The following HYKK variants were observed in gnomAD, a reference collection of about 807,000 sequenced individuals.
HYKK encodes the protein 5-hydroxy-L-lysine kinase.
A neutral mutation model predicts 29.7 loss-of-function variants in HYKK; 19 were observed. The ratio of observed to expected loss-of-function variants is 0.64; its 90% CI spans 0.45 to 0.94. The LOEUF is 0.94. Among genes scored for constraint, HYKK ranks in the 40% least tolerant of loss-of-function variants. The probability of loss-of-function intolerance (pLI) is 0.00; values close to 1 mark genes in which losing one functional copy is unlikely to be tolerated. For missense variants in HYKK, 390 were observed against 443.4 expected, an observed-to-expected ratio of 0.88 and a Z score of 1.08; for synonymous variants, 152 against 158.1, an observed-to-expected ratio of 0.96 and a Z score of 0.29.
rs1386413771 is a variant in HYKK, at chr15:78,534,853, C to G, written c.*1183C>G. 1 of 152,184 alleles carries G rather than the reference C, an allele frequency of 6.6e-6. No homozygotes were observed. Among genetic ancestry groups the G allele is most frequent in the Admixed American group, 6.5e-5 (1 of 15,278 alleles). 9.4% of individuals were successfully genotyped at this position (152,184 alleles called of 1,614,324 possible). The stretch of plus-strand genomic sequence containing the variant: ...CTTAAATATAATGGTTCCTTTCAGA[C>G]TGATACCAGGAACCTCCTTAAGCAT... On this transcript the variant is annotated 3_prime_UTR_variant, in exon 5 of 5. Coordinates refer to ENST00000388988, the MANE Select transcript of HYKK (RefSeq NM_001013619.4).
chr15:78,516,973 C>T (rs902460651), intron 3 of HYKK, among the ~76,000 whole-genome samples: 6 of 151,626 alleles, frequency 4.0e-5, no homozygotes, highest in Non-Finnish European at 7.4e-5. Flanking sequence ...AGTGAGTTAT[C>T]GCACCACTGC....
chr15:78,532,261 G>A (rs1303957732), intron 4 of HYKK, among the ~76,000 whole-genome samples: 3 of 152,110 alleles, frequency 2.0e-5, no homozygotes, highest in Non-Finnish European at 4.4e-5. Context: ...ACTTGAACTC[G>A]TGTACGCTCC....
chr15:78,526,357 T>A (rs1207005122), intron 3 of HYKK, among the ~76,000 whole-genome samples: 2 of 152,036 alleles, frequency 1.3e-5, no homozygotes, highest in African/African-American at 4.8e-5. Flanking sequence ...TGACAAATGT[T>A]AGCAATAAGT....
intron 1 of HYKK, among the ~76,000 whole-genome samples, chr15:78,510,852 A>G (rs2052067128): frequency 6.6e-6 from 1 of 152,110 alleles, no homozygotes; most frequent in Non-Finnish European, 1.5e-5. Flanking sequence ...GCCAAAGCCT[A>G]ATCAAGATGT....
At chr15:78,512,400 C>CTTTTTTTTT (rs902963099) in intron 1 of HYKK, among the ~76,000 whole-genome samples, 4 of 125,668 alleles carry the variant, frequency 3.2e-5, no homozygotes, top group African/African-American at 6.0e-5. Flanking sequence ...TTTTCTTTTT[C>CTTTTTTTTT]TTTTTTTTTT....
intron 1 of HYKK, among the ~76,000 whole-genome samples, chr15:78,510,019 G>T (rs533863222): frequency 1.6e-4 from 25 of 152,248 alleles, no homozygotes; most frequent in African/African-American, 6.0e-4. Flanking sequence ...CATGGCAGGG[G>T]CTAGGGGGTG....
At chr15:78,515,640 G>T (rs2052124620) in intron 3 of HYKK, among the ~76,000 whole-genome samples, 1 of 149,848 alleles carries the variant, frequency 6.7e-6, no homozygotes, top group Non-Finnish European at 1.5e-5. Flanking sequence ...CCAGGCTGGA[G>T]TGCAGTGGCA....
Position 78,527,806 on chromosome 15 carries a change from T to C in HYKK, c.661+243T>C, listed in dbSNP as rs189265361. 4.0e-5 allele frequency: 43 copies of C among 1,087,950 alleles called. No individual in the cohort carries two copies. In the East Asian group the frequency reaches 1.4e-3, roughly 36 times the overall value. 67.4% of individuals were successfully genotyped at this position (1,087,950 alleles called of 1,614,324 possible). A position where few individuals can be genotyped will look rare whatever the true frequency, so the allele number is the denominator to read the frequency against. On this transcript the variant is annotated intron_variant, in intron 4 of 4. Transcript: ENST00000388988. ...ATTAAATTTGCACATTACATATGTA[T>C]GATTTATAAATTATTTATAGTAGGG...
At chr15:78,511,998 G>A (rs754980432) in intron 1 of HYKK, among the ~76,000 whole-genome samples, 4 of 152,182 alleles carry the variant, frequency 2.6e-5, no homozygotes, top group African/African-American at 4.8e-5. Context: ...AAACTCAAAT[G>A]TAACTTTATT....
chr15:78,520,033 C>G (rs1223314836), intron 3 of HYKK, among the ~76,000 whole-genome samples: 1 of 152,194 alleles, frequency 6.6e-6, no homozygotes, highest in Non-Finnish European at 1.5e-5. Flanking sequence ...GACAGTGAGT[C>G]AATTCTGCTA....
In HYKK at chr15:78,517,821, T is replaced by A. The variant is rs138195617; in HGVS notation, c.477+2714T>A. Among the ~76,000 whole-genome samples, 136 of 152,168 alleles carry A rather than the reference T, an allele frequency of 8.9e-4. No individual in the cohort carries two copies. The East Asian group carries it at 0.025, about 28-fold the overall frequency. On this transcript the variant is annotated intron_variant, in intron 3 of 4. Coordinates refer to ENST00000388988, the MANE Select transcript of HYKK (RefSeq NM_001013619.4). The stretch of plus-strand genomic sequence containing the variant: ...CTTCAGTGTCCTGTGAGCTGTGAGG[T>A]TTTCCAGTGTGGATGGTAGGAACAG...
chr15:78,528,901 G>A, intron 4 of HYKK: 1 of 949,656 alleles, frequency 1.1e-6, no homozygotes, highest in Non-Finnish European at 1.3e-6. Context: ...TAAACACAGT[G>A]TAAGGTGTAG....
At chr15:78,516,696 G>T (rs2052136925) in intron 3 of HYKK, among the ~76,000 whole-genome samples, 1 of 152,134 alleles carries the variant, frequency 6.6e-6, no homozygotes, top group African/African-American at 2.4e-5. Flanking sequence ...CTGCTATAAA[G>T]AAATACCTGA....
chr15:78,520,878 C>G (rs949153413), intron 3 of HYKK, among the ~76,000 whole-genome samples: 2 of 151,408 alleles, frequency 1.3e-5, no homozygotes, highest in Non-Finnish European at 3.0e-5. Flanking sequence ...CTGACCCCCC[C>G]ACCTCCCTCC....
chr15:78,537,100 A>G (rs2052369441), downstream of HYKK, among the ~76,000 whole-genome samples: 1 of 152,090 alleles, frequency 6.6e-6, no homozygotes, highest in South Asian at 2.1e-4. Context: ...TTTAGACTCA[A>G]ACTGAAACAC....
chr15:78,511,187 G>A (rs1217853179), intron 1 of HYKK, among the ~76,000 whole-genome samples: 2 of 151,782 alleles, frequency 1.3e-5, no homozygotes, highest in Non-Finnish European at 2.9e-5. Context: ...TCACCCTCAC[G>A]ATGTTATCAA....
intron 4 of HYKK, among the ~76,000 whole-genome samples, chr15:78,532,879 A>C (rs924034215): frequency 1.1e-4 from 16 of 152,226 alleles, no homozygotes; most frequent in Non-Finnish European, 2.2e-4. Flanking sequence ...GTTTCTTCTA[A>C]CAATATGAAT....
At chr15:78,521,665 C>T (rs1207260471) in intron 3 of HYKK, among the ~76,000 whole-genome samples, 1 of 152,030 alleles carries the variant, frequency 6.6e-6, no homozygotes, top group Non-Finnish European at 1.5e-5. Flanking sequence ...ATGTATTGAG[C>T]ACCTATATGT....
intron 3 of HYKK, among the ~76,000 whole-genome samples, chr15:78,519,273 T>C (rs1311368048): frequency 6.6e-6 from 1 of 152,230 alleles, no homozygotes; most frequent in Non-Finnish European, 1.5e-5. Context: ...TTTATTGAGC[T>C]TCTGCAAGGG....
Sources: gnomAD v4.1 joint callset for allele counts (sites outside exome capture counted in the v4.1 genomes callset) on GRCh38, gnomAD v4.1.1 for gene constraint, MANE v1.5 for transcripts, NCBI Gene and HGNC (gene_info 2026-07-23, HGNC 2026-07-21) for gene names.